The following VKORC1L1 variants were observed in gnomAD, a reference collection of about 807,000 sequenced individuals.
The protein encoded by VKORC1L1 is vitamin K epoxide reductase complex subunit 1-like protein 1.
A neutral mutation model predicts 18.9 loss-of-function variants in VKORC1L1; 2 were observed. The observed-to-expected ratio is 0.11, with a 90% CI of 0.04 to 0.33. The LOEUF (loss-of-function observed/expected upper bound fraction) is 0.33. VKORC1L1 is among the 10% of genes least tolerant of loss of function. VKORC1L1 has a pLI of 1.00. For synonymous variants in VKORC1L1, 96 were observed against 100.0 expected (o/e 0.96, Z 0.24); for missense variants, 123 against 224.1 (o/e 0.55, Z 2.88).
At chr7:65,880,224 T>C (rs566620379) in intron 1 of VKORC1L1, among the ~76,000 whole-genome samples, 2 of 152,338 alleles carry the variant, frequency 1.3e-5, no homozygotes, top group South Asian at 4.1e-4. Flanking sequence ...CCAGATTTTT[T>C]AAATATGCAA....
chr7:65,903,118 G>A (rs954986722), intron 1 of VKORC1L1, among the ~76,000 whole-genome samples: 1 of 151,140 alleles, frequency 6.6e-6, no homozygotes, highest in Non-Finnish European at 1.5e-5. Flanking sequence ...TGCCCACCTC[G>A]GCCTCCCAAA....
intron 1 of VKORC1L1, among the ~76,000 whole-genome samples, chr7:65,895,510 TATATATACAC>T (rs1789191824): frequency 2.3e-5 from 2 of 88,418 alleles, no homozygotes; most frequent in African/African-American, 4.1e-5. Context: ...TATATATATA[TATATATACAC>T]ACACACACAC....
chr7:65,886,437 A>T (rs915734346), intron 1 of VKORC1L1, among the ~76,000 whole-genome samples: 16 of 152,026 alleles, frequency 1.1e-4, no homozygotes, highest in Non-Finnish European at 4.4e-5. Flanking sequence ...TTTTCAAAAA[A>T]CCTCTTTGAG....
intron 1 of VKORC1L1, among the ~76,000 whole-genome samples, chr7:65,917,525 G>A (rs1019069954): frequency 2.0e-5 from 3 of 151,776 alleles, no homozygotes; most frequent in South Asian, 2.1e-4. Context: ...TTACTCATTG[G>A]GTCTCATATG....
At chr7:65,902,326 A>G (rs1169519449) in intron 1 of VKORC1L1, among the ~76,000 whole-genome samples, 1 of 152,240 alleles carries the variant, frequency 6.6e-6, no homozygotes, top group Non-Finnish European at 1.5e-5. Flanking sequence ...GTGTATTTTA[A>G]AAAGACCCAA....
intron 1 of VKORC1L1, among the ~76,000 whole-genome samples, chr7:65,947,397 A>T (rs1219472315): frequency 2.7e-5 from 4 of 147,548 alleles, no homozygotes; most frequent in Non-Finnish European, 5.9e-5. Flanking sequence ...TTCTCTACTG[A>T]CTTAACACCA....
Position 65,910,039 on chromosome 7 carries a change from CTGT to C in VKORC1L1, c.194+36479_194+36481del, listed in dbSNP as rs1390960829. Among the ~76,000 whole-genome samples the C allele has an allele frequency of 2.6e-5, 4 of 151,988 alleles. No individual in the cohort carries two copies. In the East Asian group the frequency reaches 7.7e-4, roughly 29 times the overall value. ...CCTTGTTTTTGCCTTTTAATCTTAC[CTGT>C]TGTTAAAAAGCCTGTTGCTTTCCTT... On this transcript the variant is annotated intron_variant, in intron 1 of 2. Coordinates refer to ENST00000360768, the MANE Select transcript of VKORC1L1 (RefSeq NM_173517.6).
At position 65,908,723 on chromosome 7, in the gene VKORC1L1, G is replaced by C. The variant is rs900575359; in HGVS notation, c.194+35158G>C. On this transcript the variant is annotated intron_variant, in intron 1 of 2. Transcript: ENST00000360768. ...GTGGTGGCATGCACCTATCTTCCCA[G>C]CTACTCAGGAGGCTGAGGCAGGAGA... Among the ~76,000 whole-genome samples the C allele has an allele frequency of 4.0e-5, 6 of 150,064 alleles. No individual in the cohort carries two copies. In the South Asian group the frequency reaches 1.3e-3, roughly 32 times the overall value.
intron 1 of VKORC1L1, among the ~76,000 whole-genome samples, chr7:65,914,075 T>C (rs540849784): frequency 2.2e-4 from 33 of 152,218 alleles, no homozygotes; most frequent in African/African-American, 7.7e-4. Context: ...TTTGGTACAG[T>C]GTATTAATAT....
intron 1 of VKORC1L1, among the ~76,000 whole-genome samples, chr7:65,930,407 C>G (rs1347302710): frequency 6.6e-6 from 1 of 152,168 alleles, no homozygotes; most frequent in African/African-American, 2.4e-5. Flanking sequence ...GAAGTGAGTC[C>G]TCCTGAGTGA....
chr7:65,882,618 TAGAA>T (rs1334780747), intron 1 of VKORC1L1, among the ~76,000 whole-genome samples: 1 of 152,142 alleles, frequency 6.6e-6, no homozygotes, highest in African/African-American at 2.4e-5. Flanking sequence ...TCCTCAGAGT[TAGAA>T]AGGATAAAAA....
chr7:65,895,622 C>G (rs562083109), intron 1 of VKORC1L1, among the ~76,000 whole-genome samples: 1 of 147,538 alleles, frequency 6.8e-6, no homozygotes, highest in East Asian at 2.0e-4. Context: ...TATGAAAGAA[C>G]GAAAATGAAA....
In VKORC1L1 at chr7:65,954,433, A is replaced by T. The variant is rs1403109706; in HGVS notation, c.*133A>T. On this transcript the variant is annotated 3_prime_UTR_variant, in exon 3 of 3. Coordinates refer to ENST00000360768, the MANE Select transcript of VKORC1L1 (RefSeq NM_173517.6). ...CCCTAAGAATCTCAAACTGATTTTTAAAAATCCGGTAAATTAGAAGGGGCC... is the reference window on the plus strand; with the variant it reads ...CCCTAAGAATCTCAAACTGATTTTTTAAAATCCGGTAAATTAGAAGGGGCC... The T allele has an allele frequency of 6.6e-6, 9 of 1,370,298 alleles. No homozygotes were observed. Among genetic ancestry groups the T allele is most frequent in the Admixed American group, 3.1e-5 (1 of 32,706 alleles). 84.9% of individuals were successfully genotyped at this position (1,370,298 alleles called of 1,614,324 possible). A position where few individuals can be genotyped will look rare whatever the true frequency, so the allele number is the denominator to read the frequency against.
At chr7:65,881,348 G>C (rs1252188695) in intron 1 of VKORC1L1, among the ~76,000 whole-genome samples, 1 of 152,108 alleles carries the variant, frequency 6.6e-6, no homozygotes, top group Admixed American at 6.6e-5. Flanking sequence ...TGTCTGCCAG[G>C]TTATCTCAAG....
chr7:65,945,393 C>T (rs1487770988), intron 1 of VKORC1L1, among the ~76,000 whole-genome samples: 4 of 152,066 alleles, frequency 2.6e-5, no homozygotes, highest in African/African-American at 4.8e-5. Context: ...GGGCAGATCA[C>T]GAGGTCAGCA....
At position 65,873,310 on chromosome 7, in the gene VKORC1L1, C is replaced by A; in HGVS notation, c.-62C>A. On this transcript the variant is annotated 5_prime_UTR_variant, in exon 1 of 3. Coordinates refer to ENST00000360768, the MANE Select transcript of VKORC1L1 (RefSeq NM_173517.6). ...GGCGGCGGTGGCGGCTGGGTCGGGCCCCGACGGGCGGCGGCGGCTGAGGTG... is the reference window on the plus strand; with the variant it reads ...GGCGGCGGTGGCGGCTGGGTCGGGCACCGACGGGCGGCGGCGGCTGAGGTG... 7.9e-7 allele frequency: 1 copy of A among 1,258,956 alleles called. No individual in the cohort carries two copies. Among genetic ancestry groups the A allele is most frequent in the Non-Finnish European group, 1.0e-6 (1 of 986,672 alleles). 78.0% of individuals were successfully genotyped at this position (1,258,956 alleles called of 1,614,324 possible). A position where few individuals can be genotyped will look rare whatever the true frequency, so the allele number is the denominator to read the frequency against.
At chr7:65,915,597 CG>C (rs1331551449) in intron 1 of VKORC1L1, among the ~76,000 whole-genome samples, 1 of 150,944 alleles carries the variant, frequency 6.6e-6, no homozygotes, top group Admixed American at 6.6e-5. Context: ...ATTCTCCCTT[CG>C]TCTCTCCATC....
intron 1 of VKORC1L1, among the ~76,000 whole-genome samples, chr7:65,895,894 CTTTTTTTTTTTTT>C (rs899804086): frequency 2.0e-4 from 23 of 113,278 alleles, no homozygotes; most frequent in African/African-American, 7.1e-4. Context: ...TATCTCACTT[CTTTTTTTTTTTTT>C]TTTTTTTTTG....
In VKORC1L1 at chr7:65,873,086, C is replaced by G. The variant is rs1053114542; in HGVS notation, c.-286C>G. On this transcript the variant is annotated 5_prime_UTR_variant, in exon 1 of 3. Transcript: ENST00000360768. Reference sequence around the variant, plus strand: ...GCCACGCCGCCTCAGTCTCCGCCCGCCGATCCGGCCTCTTCGGCCGTTGCG... The same window carrying G: ...GCCACGCCGCCTCAGTCTCCGCCCGGCGATCCGGCCTCTTCGGCCGTTGCG... Among the ~76,000 whole-genome samples, 1 of 149,380 alleles carries G rather than the reference C, an allele frequency of 6.7e-6. No homozygotes were observed. Among genetic ancestry groups the G allele is most frequent in the Admixed American group, 6.6e-5 (1 of 15,048 alleles).
Sources: allele counts gnomAD v4.1 joint callset (sites outside exome capture counted in the v4.1 genomes callset), GRCh38; gene constraint gnomAD v4.1.1; transcripts MANE v1.5; gene names NCBI Gene and HGNC (gene_info 2026-07-23, HGNC 2026-07-21).